Variants in GTF2IRD1 observed in about 807,000 individuals in gnomAD.
GTF2IRD1 encodes the protein GTF2I repeat domain containing 1, also known as general transcription factor II-I repeat domain-containing protein 1.
A neutral mutation model predicts 113.2 loss-of-function variants in GTF2IRD1; 26 were observed. The ratio of observed to expected loss-of-function variants is 0.23; its 90% CI spans 0.17 to 0.32. The LOEUF (loss-of-function observed/expected upper bound fraction) is 0.32, where lower values mean the gene tolerates loss of function less well. GTF2IRD1 is among the 10% of genes least tolerant of loss of function. The probability of loss-of-function intolerance (pLI) is 1.00; values close to 1 mark genes in which losing one functional copy is unlikely to be tolerated. For synonymous variants in GTF2IRD1, 484 were observed against 529.1 expected, an observed-to-expected ratio of 0.91 and a Z score of 1.17; for missense variants, 864 against 1,280.8, an observed-to-expected ratio of 0.67 and a Z score of 4.97.
chr7:74,487,711 A>C (rs1358094697), intron 1 of GTF2IRD1, among the ~76,000 whole-genome samples: 1 of 152,240 alleles, frequency 6.6e-6, no homozygotes, highest in Non-Finnish European at 1.5e-5. Context: ...GATTAAATCT[A>C]AAATTGGTGG....
At chr7:74,585,093 C>T (rs185951017) in intron 22 of GTF2IRD1, among the ~76,000 whole-genome samples, 7 of 148,954 alleles carry the variant, frequency 4.7e-5, no homozygotes, top group East Asian at 2.0e-4. Flanking sequence ...TGAGCCACCG[C>T]GCCCAGCCTG....
At chr7:74,524,950 T>C (rs1797516632) in intron 8 of GTF2IRD1, among the ~76,000 whole-genome samples, 2 of 152,126 alleles carry the variant, frequency 1.3e-5, no homozygotes, top group Admixed American at 6.6e-5. Context: ...GGTGGGAGGA[T>C]TGCTTGAGTC....
At chr7:74,573,078 G>A (rs1191828325) in intron 22 of GTF2IRD1, among the ~76,000 whole-genome samples, 2 of 152,092 alleles carry the variant, frequency 1.3e-5, no homozygotes, top group East Asian at 1.9e-4. Flanking sequence ...TCCACACGTC[G>A]GGGAAGGGAA....
intron 1 of GTF2IRD1, among the ~76,000 whole-genome samples, chr7:74,504,251 C>CG (rs1796184309): frequency 6.6e-6 from 1 of 152,136 alleles, no homozygotes; most frequent in Non-Finnish European, 1.5e-5. Context: ...GGGAAGTTGA[C>CG]TTTTGAACCC....
At chr7:74,531,933 G>T (rs1450666560) in intron 9 of GTF2IRD1, among the ~76,000 whole-genome samples, 1 of 152,128 alleles carries the variant, frequency 6.6e-6, no homozygotes, top group Admixed American at 6.5e-5. Context: ...ATTCCTACTG[G>T]GATACAATAG....
chr7:74,558,606 T>G (rs587694405), intron 20 of GTF2IRD1, among the ~76,000 whole-genome samples: 28 of 152,150 alleles, frequency 1.8e-4, no homozygotes, highest in African/African-American at 6.7e-4. Context: ...ACTTAAGAGA[T>G]CCTCCTGCCT....
At chr7:74,559,488 G>A in intron 21 of GTF2IRD1, 139 bp from the exon 22 acceptor site, 1 of 704,954 alleles carries the variant, frequency 1.4e-6, no homozygotes, top group Non-Finnish European at 2.5e-6. Flanking sequence ...AGAGCCCCAG[G>A]GCAGCTTGTT....
chr7:74,509,622 A>G (rs2130052529), intron 2 of GTF2IRD1, among the ~76,000 whole-genome samples: 1 of 152,344 alleles, frequency 6.6e-6, no homozygotes, highest in African/African-American at 2.4e-5. Flanking sequence ...TGAAGCACAG[A>G]GAGGGTAGTA....
intron 22 of GTF2IRD1, among the ~76,000 whole-genome samples, chr7:74,575,025 A>G (rs1036939783): frequency 5.3e-5 from 8 of 152,142 alleles, no homozygotes; most frequent in South Asian, 4.2e-4. Flanking sequence ...GGGAGGTGGA[A>G]GTTGCAGTGA....
At position 74,483,241 on chromosome 7, in the gene GTF2IRD1, C is replaced by T. The variant is rs530079140; in HGVS notation, c.-6-24834C>T. On this transcript the variant is annotated intron_variant, in intron 1 of 26. Coordinates refer to ENST00000424337, the MANE Select transcript of GTF2IRD1 (RefSeq NM_005685.4). Reference sequence around the variant, plus strand: ...TGTTTTCCAAAGTGTTTGAAGTTTGCTCTTAAGATCTTATTTAGGCCGGTC... The same window carrying T: ...TGTTTTCCAAAGTGTTTGAAGTTTGTTCTTAAGATCTTATTTAGGCCGGTC... Among the ~76,000 whole-genome samples, 3 of 152,210 alleles carry T rather than the reference C, an allele frequency of 2.0e-5. No individual in the cohort carries two copies. The South Asian group carries it at 6.2e-4, about 32-fold the overall frequency.
At chr7:74,551,036 G>A (rs1459254243) in intron 17 of GTF2IRD1, among the ~76,000 whole-genome samples, 10 of 149,520 alleles carry the variant, frequency 6.7e-5, no homozygotes, top group South Asian at 2.1e-4. Context: ...GCAAGACCTC[G>A]TCCCTTTAAA....
At chr7:74,487,436 A>G (rs2035971565) in intron 1 of GTF2IRD1, 1 of 152,160 alleles carries the variant, frequency 6.6e-6, no homozygotes, top group African/African-American at 2.4e-5. Flanking sequence ...AAAGTGTAAC[A>G]CCTGTTTTTT....
intron 1 of GTF2IRD1, among the ~76,000 whole-genome samples, chr7:74,458,169 T>C (rs184042739): frequency 6.6e-6 from 1 of 152,104 alleles, no homozygotes. Context: ...CTGCGCCCGG[T>C]CCTGAGTTCA....
At chr7:74,460,167 G>A (rs1793270811) in intron 1 of GTF2IRD1, among the ~76,000 whole-genome samples, 2 of 152,010 alleles carry the variant, frequency 1.3e-5, no homozygotes, top group African/African-American at 4.8e-5. Context: ...GGTGGAGATG[G>A]GGTTTCGCCA....
rs59499031 is a variant in GTF2IRD1 at position 74,517,427 on chromosome 7, C to CTTTTTTTTTTTTTTT, written c.422-703_422-689dup. ...GGTCTCTCTCCCTTCCTCCCTACAC[C>CTTTTTTTTTTTTTTT]TTTTTTTTTTTTTTTTTTTTTTTGA... On this transcript the variant is annotated intron_variant, in intron 4 of 26. Coordinates refer to ENST00000424337, the MANE Select transcript of GTF2IRD1 (RefSeq NM_005685.4). Among the ~76,000 whole-genome samples the CTTTTTTTTTTTTTTT allele has an allele frequency of 3.9e-5, 3 of 77,402 alleles. 1 individual carries two copies. Among genetic ancestry groups the CTTTTTTTTTTTTTTT allele is most frequent in the East Asian group, 4.5e-4 (1 of 2,210 alleles). 50.8% of individuals were successfully genotyped at this position (77,402 alleles called of 152,430 possible).
chr7:74,455,106 T>A (rs1435631232), intron 1 of GTF2IRD1, among the ~76,000 whole-genome samples: 3 of 152,114 alleles, frequency 2.0e-5, no homozygotes, highest in Admixed American at 2.0e-4. Flanking sequence ...CTAGTGACCC[T>A]ACCTCCCAGG....
At chr7:74,515,371 A>T (rs1796869021) in intron 3 of GTF2IRD1, 70 bp from the exon 4 acceptor site, 7 of 1,544,202 alleles carry the variant, frequency 4.5e-6, no homozygotes, top group Non-Finnish European at 6.1e-6. Flanking sequence ...CAGGGCAGCG[A>T]CATCCCAGCT....
At chr7:74,474,749 A>G (rs1312617301) in intron 1 of GTF2IRD1, among the ~76,000 whole-genome samples, 2 of 152,184 alleles carry the variant, frequency 1.3e-5, no homozygotes, top group South Asian at 2.1e-4. Context: ...GATGGCTGCA[A>G]CGCAACTGTG....
intron 1 of GTF2IRD1, among the ~76,000 whole-genome samples, chr7:74,458,979 A>G (rs1554328267): frequency 6.6e-6 from 1 of 150,502 alleles, no homozygotes; most frequent in Non-Finnish European, 1.5e-5. Context: ...TTCTTCACCC[A>G]CCCTATTTTG....
Sources: allele counts gnomAD v4.1 joint callset (sites outside exome capture counted in the v4.1 genomes callset), GRCh38; gene constraint gnomAD v4.1.1; transcripts MANE v1.5; gene names NCBI Gene and HGNC (gene_info 2026-07-23, HGNC 2026-07-21).